EPB41L5: variants seen among roughly 807,000 people sequenced by gnomAD.
EPB41L5 encodes erythrocyte membrane protein band 4.1 like 5, also known as band 4.1-like protein 5.
EPB41L5 carries 55 observed loss-of-function variants against 106.6 expected under a neutral mutation model. The observed-to-expected ratio is 0.52, with a 90% CI of 0.42 to 0.65. EPB41L5 has a LOEUF of 0.65. Ranked by LOEUF, EPB41L5 falls within the 30% of genes least tolerant of loss-of-function variation. The pLI, the probability that EPB41L5 is intolerant of heterozygous loss-of-function variation, is 0.00. For synonymous variants in EPB41L5, 297 were observed against 306.7 expected (o/e 0.97, Z 0.33); for missense variants, 871 against 882.1 (o/e 0.99, Z 0.16).
At chr2:120,079,824 T>G (rs1682517064) in intron 10 of EPB41L5, among the ~76,000 whole-genome samples, 1 of 152,174 alleles carries the variant, frequency 6.6e-6, no homozygotes, top group African/African-American at 2.4e-5. Context: ...CCTGTGGAAC[T>G]GTTTGCTGCA....
chr2:120,052,488 G>A (rs1184625898), intron 3 of EPB41L5, among the ~76,000 whole-genome samples: 1 of 152,182 alleles, frequency 6.6e-6, no homozygotes. Flanking sequence ...ACTATTTTGT[G>A]GGCAGTTATG....
intron 20 of EPB41L5, among the ~76,000 whole-genome samples, chr2:120,152,415 AT>A (rs967693579): frequency 2.7e-4 from 38 of 138,290 alleles, no homozygotes; most frequent in African/African-American, 7.7e-4. Flanking sequence ...GTTTGATAAC[AT>A]TTTTTTTAGG....
At chr2:120,134,417 C>T (rs1273560098) in intron 18 of EPB41L5, among the ~76,000 whole-genome samples, 2 of 152,074 alleles carry the variant, frequency 1.3e-5, no homozygotes, top group Non-Finnish European at 2.9e-5. Flanking sequence ...CACTTGCTGA[C>T]GGAAGAACCT....
chr2:120,031,271 ACT>A (rs1678691685), intron 2 of EPB41L5, among the ~76,000 whole-genome samples: 6 of 152,048 alleles, frequency 3.9e-5, no homozygotes. Context: ...CGCTTGAATT[ACT>A]CTTTCTCCAT....
At chr2:120,100,159 T>C in intron 14 of EPB41L5, 85 bp from the exon 15 acceptor site, 1 of 936,958 alleles carries the variant, frequency 1.1e-6, no homozygotes, top group Non-Finnish European at 1.6e-6. Context: ...AAAATAAATA[T>C]TTTATTAGTG....
chr2:120,074,845 C>G (rs7581980), intron 5 of EPB41L5, among the ~76,000 whole-genome samples: 105,312 of 151,956 alleles, frequency 0.69, 37,896 homozygotes, highest in Non-Finnish European at 0.79. Context: ...CTTCACATAA[C>G]AAGTAGATGT....
chr2:120,068,624 G>A (rs573528136), intron 3 of EPB41L5, among the ~76,000 whole-genome samples: 2 of 152,206 alleles, frequency 1.3e-5, no homozygotes, highest in Non-Finnish European at 2.9e-5. Context: ...ATGTCATAAT[G>A]ACAGGATCAA....
At chr2:120,027,104 G>A (rs1247176132) in intron 2 of EPB41L5, among the ~76,000 whole-genome samples, 2 of 152,220 alleles carry the variant, frequency 1.3e-5, no homozygotes, top group Non-Finnish European at 2.9e-5. Flanking sequence ...GACCCTGCTG[G>A]TAGGAATGTA....
chr2:120,077,552 TA>T (rs1682333382), intron 9 of EPB41L5, among the ~76,000 whole-genome samples: 1 of 152,220 alleles, frequency 6.6e-6, no homozygotes. Context: ...TTGGTCCTTT[TA>T]AGCTGTTATT....
intron 13 of EPB41L5, among the ~76,000 whole-genome samples, chr2:120,093,028 C>T (rs937490727): frequency 1.3e-5 from 2 of 152,128 alleles, no homozygotes; most frequent in African/African-American, 4.8e-5. Context: ...ATTGCTTGAG[C>T]CCAAAAGCTC....
At chr2:120,026,612 G>T (rs190407991) in intron 2 of EPB41L5, among the ~76,000 whole-genome samples, 2 of 152,062 alleles carry the variant, frequency 1.3e-5, no homozygotes, top group African/African-American at 4.8e-5. Context: ...CAATTGTTCC[G>T]CCTGCCTTGG....
At chr2:120,172,951 G>C (rs528166244) in intron 24 of EPB41L5, among the ~76,000 whole-genome samples, 1 of 152,274 alleles carries the variant, frequency 6.6e-6, no homozygotes, top group South Asian at 2.1e-4. Context: ...GTTAGGGATA[G>C]ATGAGAGATT....
intron 17 of EPB41L5, among the ~76,000 whole-genome samples, chr2:120,128,986 A>G (rs1199288383): frequency 2.0e-5 from 3 of 152,176 alleles, no homozygotes; most frequent in Non-Finnish European, 4.4e-5. Flanking sequence ...TGTGGGAGCT[A>G]CACAGGGACA....
chr2:120,168,195 A>G (rs1687502517), intron 24 of EPB41L5, among the ~76,000 whole-genome samples, 188 bp downstream of exon 24: 3 of 152,228 alleles, frequency 2.0e-5, no homozygotes, highest in Admixed American at 2.0e-4. Context: ...ATTTTCTACA[A>G]AACTGTATTA....
At chr2:120,138,452 A>G (rs1686029734) in intron 18 of EPB41L5, among the ~76,000 whole-genome samples, 1 of 151,840 alleles carries the variant, frequency 6.6e-6, no homozygotes, top group Admixed American at 6.6e-5. Context: ...ACTAAAGAAA[A>G]AGAAAAACAA....
At chr2:120,042,189 G>C (rs1323296687) in intron 3 of EPB41L5, 79 bp downstream of exon 3, 5 of 1,074,332 alleles carry the variant, frequency 4.7e-6, no homozygotes, top group South Asian at 2.7e-5. Context: ...TTGCTATAAG[G>C]CTTCCTATTC....
rs1015573013 is a variant in EPB41L5 at position 120,054,452 on chromosome 2, A to G, written c.285+12342A>G. Among the ~76,000 whole-genome samples, 41 of 151,392 alleles carry G rather than the reference A, an allele frequency of 2.7e-4. 1 individual carries two copies. The highest frequency in any genetic ancestry group is 8.0e-4 in the African/African-American group (33 of 41,220). On this transcript the variant is annotated intron_variant, in intron 3 of 24. Transcript: ENST00000263713. ...CTGTTTGTGTTATATCTATCAAACG[A>G]TTGCCTATTCTGAGGTCATAAAGAT... is the stretch of plus-strand genomic sequence containing the variant.
In EPB41L5 at chr2:120,078,652, TAAAC is replaced by T; in HGVS notation, c.803+74_803+77del. On this transcript the variant is annotated intron_variant, in intron 10 of 24. Transcript: ENST00000263713. ...TTAATGAGTAAATAAAGTTAATACA[TAAAC>T]AAGTTTGGAAATCAAATAGTTTTGA... 6 of 1,002,292 alleles carry T rather than the reference TAAAC, an allele frequency of 6.0e-6. No individual in the cohort carries two copies. The South Asian group carries it at 7.4e-5, about 12-fold the overall frequency. 62.1% of individuals were successfully genotyped at this position (1,002,292 alleles called of 1,614,324 possible). A position where few individuals can be genotyped will look rare whatever the true frequency, so the allele number is the denominator to read the frequency against.
intron 16 of EPB41L5, among the ~76,000 whole-genome samples, chr2:120,122,926 A>G (rs924940700): frequency 5.9e-5 from 9 of 152,248 alleles, no homozygotes; most frequent in East Asian, 1.9e-4. Flanking sequence ...CTTTGAAGCA[A>G]TTGTGAATGG....
Sources: allele counts gnomAD v4.1 joint callset (sites outside exome capture counted in the v4.1 genomes callset), GRCh38; gene constraint gnomAD v4.1.1; transcripts MANE v1.5; gene names NCBI Gene and HGNC (gene_info 2026-07-23, HGNC 2026-07-21).